CSNK1G1: variants seen among roughly 807,000 people sequenced by gnomAD.
CSNK1G1 encodes the protein casein kinase 1 gamma 1.
A neutral mutation model predicts 59.6 loss-of-function variants in CSNK1G1; 22 were observed. The observed-to-expected ratio is 0.37, with a 90% CI of 0.26 to 0.53. The LOEUF (loss-of-function observed/expected upper bound fraction) is 0.53, where lower values mean the gene tolerates loss of function less well. Ranked by LOEUF, CSNK1G1 falls within the 20% of genes least tolerant of loss-of-function variation. The pLI, the probability that CSNK1G1 is intolerant of heterozygous loss-of-function variation, is 0.89. For synonymous variants in CSNK1G1, 179 were observed against 177.1 expected (o/e 1.01, Z -0.08); for missense variants, 384 against 519.5 (o/e 0.74, Z 2.54).
At chr15:64,269,187 GT>G (rs1893145327) in intron 2 of CSNK1G1, among the ~76,000 whole-genome samples, 1 of 152,164 alleles carries the variant, frequency 6.6e-6, no homozygotes, top group African/African-American at 2.4e-5. Flanking sequence ...GTTTGGTGAT[GT>G]TTTTGTGATC....
At chr15:64,338,341 C>T (rs893254295) in intron 1 of CSNK1G1, among the ~76,000 whole-genome samples, 1 of 152,110 alleles carries the variant, frequency 6.6e-6, no homozygotes. Context: ...ATTAGGACTT[C>T]TATAGATGTG....
intron 1 of CSNK1G1, among the ~76,000 whole-genome samples, chr15:64,304,416 C>G (rs1318869576): frequency 5.0e-5 from 7 of 138,646 alleles, no homozygotes; most frequent in African/African-American, 1.9e-4. Context: ...GGAAAGAAAA[C>G]GAAAGATGAA....
intron 4 of CSNK1G1, among the ~76,000 whole-genome samples, chr15:64,241,461 C>T (rs1489421583): frequency 6.6e-6 from 1 of 152,128 alleles, no homozygotes. Flanking sequence ...CCAAATAGAC[C>T]TAACAGACAT....
chr15:64,280,128 TGTTA>T, intron 2 of CSNK1G1, among the ~76,000 whole-genome samples: 1 of 152,270 alleles, frequency 6.6e-6, no homozygotes, highest in South Asian at 2.1e-4. Flanking sequence ...AGGACGATAC[TGTTA>T]ATTAAAAAGA....
At chr15:64,311,997 C>T (rs1048496003) in intron 1 of CSNK1G1, among the ~76,000 whole-genome samples, 7 of 152,124 alleles carry the variant, frequency 4.6e-5, no homozygotes, top group South Asian at 2.1e-4. Flanking sequence ...TGAGTAAACT[C>T]CCATTTACAA....
intron 9 of CSNK1G1, among the ~76,000 whole-genome samples, chr15:64,203,694 TAAAAAAA>T (rs531367701): frequency 0.03 from 1,664 of 56,164 alleles, 26 homozygotes; most frequent in Non-Finnish European, 0.04. Context: ...TGAAACTCCG[TAAAAAAA>T]AAAAAAAAAA....
chr15:64,327,015 A>G (rs1249825643), intron 1 of CSNK1G1, among the ~76,000 whole-genome samples: 2 of 150,618 alleles, frequency 1.3e-5, no homozygotes, highest in African/African-American at 4.9e-5. Context: ...CCTGGCTCGG[A>G]GGGTCCTACG....
chr15:64,201,487 A>T (rs2082106971), intron 10 of CSNK1G1, among the ~76,000 whole-genome samples: 1 of 152,152 alleles, frequency 6.6e-6, no homozygotes, highest in Non-Finnish European at 1.5e-5. Context: ...TATAAATCTT[A>T]AACAACGACT....
intron 2 of CSNK1G1, among the ~76,000 whole-genome samples, chr15:64,268,980 G>A (rs937917496): frequency 6.6e-6 from 1 of 151,432 alleles, no homozygotes; most frequent in Admixed American, 6.6e-5. Flanking sequence ...ACAGTAGTAG[G>A]ATATTCTCCT....
chr15:64,242,699 G>T (rs1286218702), intron 4 of CSNK1G1, among the ~76,000 whole-genome samples: 1 of 152,136 alleles, frequency 6.6e-6, no homozygotes, highest in Non-Finnish European at 1.5e-5. Flanking sequence ...CATTAGAAAA[G>T]TGAAGAGGAG....
At chr15:64,256,098 C>A (rs8024112) in intron 3 of CSNK1G1, among the ~76,000 whole-genome samples, 101 of 152,260 alleles carry the variant, frequency 6.6e-4, no homozygotes, top group African/African-American at 2.4e-3. Flanking sequence ...ACTATCAAAG[C>A]AGCCAGGTAT....
At chr15:64,173,323 AC>A (rs1424419475) in intron 11 of CSNK1G1, among the ~76,000 whole-genome samples, 1 of 152,242 alleles carries the variant, frequency 6.6e-6, no homozygotes, top group African/African-American at 2.4e-5. Context: ...ATTTACACAG[AC>A]CATGATGGGC....
At chr15:64,319,209 GT>G (rs1318019000) in intron 1 of CSNK1G1, among the ~76,000 whole-genome samples, 6 of 152,092 alleles carry the variant, frequency 3.9e-5, no homozygotes, top group Non-Finnish European at 5.9e-5. Flanking sequence ...TTGGACAAAT[GT>G]TTCTAATGAG....
Position 64,250,154 on chromosome 15 carries a change from A to C in CSNK1G1, c.292+1358T>G, listed in dbSNP as rs75017103. Among the ~76,000 whole-genome samples the C allele has an allele frequency of 7.0e-3, 1,064 of 152,314 alleles. 10 individuals are homozygous for C. The highest frequency in any genetic ancestry group is 0.022 in the African/African-American group (935 of 41,564). ...AAAATGTAGTCCTGGGGCATGTGGG[A>C]AGATAAGCCTCAAGTTATGTATACA... is the stretch of plus-strand genomic sequence containing the variant. On this transcript the variant is annotated intron_variant, in intron 4 of 11. Coordinates refer to ENST00000303052, the MANE Select transcript of CSNK1G1 (RefSeq NM_022048.5).
intron 4 of CSNK1G1, among the ~76,000 whole-genome samples, chr15:64,248,365 T>A (rs1023535345): frequency 6.6e-6 from 1 of 152,220 alleles, no homozygotes; most frequent in Non-Finnish European, 1.5e-5. Context: ...ACAAGGAATA[T>A]TTTTATTAAT....
At chr15:64,224,355 C>T (rs1436157465) in intron 4 of CSNK1G1, among the ~76,000 whole-genome samples, 1 of 151,924 alleles carries the variant, frequency 6.6e-6, no homozygotes, top group Non-Finnish European at 1.5e-5. Flanking sequence ...TAATATTAAA[C>T]ATGTACCCTT....
intron 3 of CSNK1G1, among the ~76,000 whole-genome samples, chr15:64,252,768 TCA>T (rs1457942451): frequency 6.6e-6 from 1 of 152,202 alleles, no homozygotes; most frequent in Non-Finnish European, 1.5e-5. Flanking sequence ...TCTAAAAACC[TCA>T]GAGATAAAGC....
chr15:64,285,551 A>G (rs1894360985), intron 2 of CSNK1G1, among the ~76,000 whole-genome samples: 1 of 152,194 alleles, frequency 6.6e-6, no homozygotes, highest in Non-Finnish European at 1.5e-5. Flanking sequence ...ACAACCCTCA[A>G]AAAGGACCCT....
In CSNK1G1 at chr15:64,214,220, G is replaced by A; in HGVS notation, c.445-96C>T. 1 of 882,378 alleles carries A rather than the reference G, an allele frequency of 1.1e-6. No individual in the cohort carries two copies. The highest frequency in any genetic ancestry group is 1.8e-6 in the Non-Finnish European group (1 of 545,900). The allele number at this position is 882,378 out of a possible 1,614,324, so 54.7% of individuals were successfully genotyped here. ...TAGCCAGACCAAGGTTTTAATTATT[G>A]AAATAACAGTAAAATTCATCTCCTT... On this transcript the variant is annotated intron_variant, in intron 5 of 11. Transcript: ENST00000303052. The surrounding 1 kb of genome is among the most constrained non-coding windows in gnomAD (Gnocchi z 4.3).
Sources: allele counts gnomAD v4.1 joint callset (sites outside exome capture counted in the v4.1 genomes callset), GRCh38; gene constraint gnomAD v4.1.1; non-coding constraint Gnocchi (gnomAD v3.1); transcripts MANE v1.5; gene names NCBI Gene and HGNC (gene_info 2026-07-23, HGNC 2026-07-21).